The following MCPH1 variants were observed in gnomAD, a reference collection of about 807,000 sequenced individuals.
MCPH1 encodes the protein microcephalin.
MCPH1 carries 104 observed loss-of-function variants against 84.5 expected under a neutral mutation model. The ratio of observed to expected loss-of-function variants is 1.23; its 90% CI spans 1.05 to 1.45. The LOEUF (loss-of-function observed/expected upper bound fraction) is 1.45, where lower values mean the gene tolerates loss of function less well. MCPH1 is among the 40% of genes most tolerant of loss of function. The pLI is 0.00. For missense variants in MCPH1, 1,498 were observed against 1,005.7 expected (o/e 1.49, Z -6.62); for synonymous variants, 514 against 366.8 (o/e 1.40, Z -4.58).
At chr8:6,515,858 A>C (rs901036686) in intron 12 of MCPH1, among the ~76,000 whole-genome samples, 1 of 152,194 alleles carries the variant, frequency 6.6e-6, no homozygotes, top group Non-Finnish European at 1.5e-5. Context: ...TACGAGTTAG[A>C]ATCCTAAAGA....
chr8:6,640,118 G>GCA (rs554927212), intron 13 of MCPH1, among the ~76,000 whole-genome samples: 2,939 of 150,396 alleles, frequency 0.02, 107 homozygotes, highest in African/African-American at 0.068. Context: ...GTGTGTGTGT[G>GCA]TGCGTGTGTG....
At chr8:6,561,992 G>T (rs1446547920) in intron 12 of MCPH1, among the ~76,000 whole-genome samples, 2 of 152,148 alleles carry the variant, frequency 1.3e-5, no homozygotes, top group African/African-American at 2.4e-5. Flanking sequence ...GGAACTGACG[G>T]GGGCTGCAGT....
chr8:6,429,323 GC>G (rs1801507365), intron 3 of MCPH1, among the ~76,000 whole-genome samples: 2 of 152,096 alleles, frequency 1.3e-5, no homozygotes, highest in Admixed American at 1.3e-4. Context: ...ACACAGGGTG[GC>G]AGTGAGTGGG....
intron 6 of MCPH1, among the ~76,000 whole-genome samples, chr8:6,441,197 T>G (rs1396628221): frequency 2.0e-5 from 3 of 152,230 alleles, no homozygotes; most frequent in Non-Finnish European, 2.9e-5. Flanking sequence ...AGAATGGACA[T>G]TGAGGTAGAT....
At chr8:6,458,335 A>G (rs2979649) in intron 9 of MCPH1, among the ~76,000 whole-genome samples, 43,714 of 151,604 alleles carry the variant, frequency 0.29, 8,704 homozygotes, top group African/African-American at 0.57. Flanking sequence ...AGCTGGGCGT[A>G]GTGGCGGGCG....
intron 8 of MCPH1, among the ~76,000 whole-genome samples, chr8:6,453,221 T>G (rs1211629567): frequency 6.6e-6 from 1 of 152,170 alleles, no homozygotes; most frequent in Non-Finnish European, 1.5e-5. Context: ...TCCACAAATG[T>G]TTTCAGAAGT....
At chr8:6,608,377 A>C (rs1179844485) in intron 12 of MCPH1, among the ~76,000 whole-genome samples, 1 of 152,218 alleles carries the variant, frequency 6.6e-6, no homozygotes. Flanking sequence ...TCCATCAAAA[A>C]GGAAGCTCAT....
intron 13 of MCPH1, chr8:6,626,048 G>T: frequency 2.0e-6 from 2 of 985,278 alleles, no homozygotes; most frequent in Non-Finnish European, 2.4e-6. Context: ...CAGTCCACCC[G>T]CCAGCCTTTG....
chr8:6,545,400 G>T (rs1405305395), intron 12 of MCPH1, among the ~76,000 whole-genome samples: 1 of 152,164 alleles, frequency 6.6e-6, no homozygotes, highest in African/African-American at 2.4e-5. Flanking sequence ...TGAAATGTTT[G>T]ACAAGTTTTG....
intron 12 of MCPH1, among the ~76,000 whole-genome samples, chr8:6,515,908 C>G (rs1816178763): frequency 6.6e-6 from 1 of 152,172 alleles, no homozygotes; most frequent in East Asian, 1.9e-4. Context: ...TATTCCTGTT[C>G]TTTCATTTCC....
chr8:6,457,456 T>A (rs1285031970), intron 9 of MCPH1, among the ~76,000 whole-genome samples: 1 of 151,414 alleles, frequency 6.6e-6, no homozygotes, highest in Non-Finnish European at 1.5e-5. Context: ...AACACAAAAA[T>A]TGGCCAGGCC....
intron 9 of MCPH1, among the ~76,000 whole-genome samples, chr8:6,468,978 C>T (rs1807355257): frequency 6.6e-6 from 1 of 152,086 alleles, no homozygotes; most frequent in African/African-American, 2.4e-5. Flanking sequence ...CGCTTGAGGC[C>T]AGGAGTTCAA....
intron 13 of MCPH1, among the ~76,000 whole-genome samples, chr8:6,636,056 C>T (rs571869082): frequency 7.7e-4 from 118 of 152,270 alleles, no homozygotes; most frequent in African/African-American, 2.7e-3. Context: ...TTCAGAGTCA[C>T]GGGCAGGCAC....
intron 12 of MCPH1, among the ~76,000 whole-genome samples, chr8:6,551,294 A>G (rs183405311): frequency 1.3e-5 from 2 of 152,234 alleles, no homozygotes; most frequent in East Asian, 3.9e-4. Context: ...TTAGGGGTGA[A>G]GAAGGGGAAA....
chr8:6,414,343 A>G (rs1391342617), intron 2 of MCPH1, among the ~76,000 whole-genome samples: 1 of 152,208 alleles, frequency 6.6e-6, no homozygotes, highest in Non-Finnish European at 1.5e-5. Flanking sequence ...GGTATTTTTA[A>G]TTTTGGTTAA....
chr8:6,532,986 C>G (rs1361054975), intron 12 of MCPH1, among the ~76,000 whole-genome samples: 1 of 152,214 alleles, frequency 6.6e-6, no homozygotes, highest in Non-Finnish European at 1.5e-5. Context: ...AGAGGAGCAC[C>G]CTTTTGATTT....
intron 6 of MCPH1, 47 bp downstream of exon 6, chr8:6,439,143 A>T: frequency 6.4e-7 from 1 of 1,570,392 alleles, no homozygotes; most frequent in Non-Finnish European, 8.7e-7. Flanking sequence ...TAGCCGATTC[A>T]ATTATGGTGG....
chr8:6,531,664 AACT>A (rs1208093269), intron 12 of MCPH1, among the ~76,000 whole-genome samples: 1 of 152,136 alleles, frequency 6.6e-6, no homozygotes, highest in Non-Finnish European at 1.5e-5. Flanking sequence ...GTGGAAAGAG[AACT>A]TAGCAATCAC....
intron 12 of MCPH1, chr8:6,616,693 C>T (rs1369600813): frequency 6.6e-6 from 1 of 152,230 alleles, no homozygotes; most frequent in African/African-American, 2.4e-5. Flanking sequence ...AGTGTATATG[C>T]ATGGGTATGA....
Sources: allele counts gnomAD v4.1 joint callset (sites outside exome capture counted in the v4.1 genomes callset), GRCh38; gene constraint gnomAD v4.1.1; transcripts MANE v1.5; gene names NCBI Gene and HGNC (gene_info 2026-07-23, HGNC 2026-07-21).